YTHDF1: variants seen among roughly 807,000 people sequenced by gnomAD.
The protein encoded by YTHDF1 is YTH domain-containing family protein 1.
Under a neutral mutation model 49.1 loss-of-function variants are expected in YTHDF1, and 16 were observed. The ratio of observed to expected loss-of-function variants is 0.33; its 90% CI spans 0.22 to 0.49. The LOEUF is 0.49. Among genes scored for constraint, YTHDF1 ranks in the 20% least tolerant of loss-of-function variants. YTHDF1 has a pLI of 0.99. For missense variants in YTHDF1, 621 were observed against 744.3 expected (o/e 0.83, Z 1.93); for synonymous variants, 313 against 290.1 (o/e 1.08, Z -0.80).
rs1391901448 is a variant in YTHDF1, at chr20:63,215,993, C to T, written c.-101G>A. Reference sequence around the variant, plus strand: ...TAGCTCGCGCGGCCCCGGGCCCCGCCGCCAATTCCCCGGGCGCCGGCCGGG... The same window carrying T: ...TAGCTCGCGCGGCCCCGGGCCCCGCTGCCAATTCCCCGGGCGCCGGCCGGG... On this transcript the variant is annotated 5_prime_UTR_variant, in exon 1 of 5. Transcript: ENST00000370339. 9.2e-6 allele frequency: 10 copies of T among 1,092,226 alleles called. No homozygotes were observed. In the South Asian group the frequency reaches 4.4e-4, roughly 48 times the overall value. The allele number at this position is 1,092,226 out of a possible 1,614,324, so 67.7% of individuals were successfully genotyped here. A position where few individuals can be genotyped will look rare whatever the true frequency, so the allele number is the denominator to read the frequency against.
chr20:63,212,826 T>A (rs574919208), intron 3 of YTHDF1, among the ~76,000 whole-genome samples: 159 of 152,102 alleles, frequency 1.0e-3, no homozygotes, highest in Non-Finnish European at 1.9e-3. Context: ...GCTAATGGCA[T>A]CTAGTGGGTG....
chr20:63,201,015 AGC>A (rs1214119535), intron 4 of YTHDF1, among the ~76,000 whole-genome samples: 1 of 152,096 alleles, frequency 6.6e-6, no homozygotes, highest in Non-Finnish European at 1.5e-5. Context: ...ACTGCACTCC[AGC>A]CTGGGCAACA....
At chr20:63,215,481 G>T in intron 2 of YTHDF1, 96 bp downstream of exon 2, 1 of 1,546,512 alleles carries the variant, frequency 6.5e-7, no homozygotes, top group South Asian at 1.1e-5. Context: ...TGGCGGAAGA[G>T]AGAAAGTTTC....
chr20:63,214,936 A>T (rs2066594094), intron 2 of YTHDF1, among the ~76,000 whole-genome samples: 1 of 152,134 alleles, frequency 6.6e-6, no homozygotes. Context: ...CTTTTACACC[A>T]CTTACCTTCC....
intron 4 of YTHDF1, among the ~76,000 whole-genome samples, chr20:63,198,634 C>CA (rs11478753): frequency 0.014 from 1,995 of 144,484 alleles, 25 homozygotes; most frequent in African/African-American, 0.032. Flanking sequence ...TAAAATTTCT[C>CA]AAAAAAAAAA....
intron 4 of YTHDF1, among the ~76,000 whole-genome samples, chr20:63,197,330 T>A (rs977885949): frequency 2.0e-4 from 30 of 152,096 alleles, no homozygotes; most frequent in African/African-American, 7.0e-4. Context: ...GGGAAGAGCA[T>A]GCCCCTCCCC....
chr20:63,215,465 T>C, intron 2 of YTHDF1, 112 bp downstream of exon 2: 1 of 1,455,876 alleles, frequency 6.9e-7, no homozygotes, highest in Non-Finnish European at 9.5e-7. Context: ...TTTATCTCCC[T>C]GAAGCTGGCG....
At chr20:63,198,546 C>A (rs2066502935) in intron 4 of YTHDF1, among the ~76,000 whole-genome samples, 1 of 152,112 alleles carries the variant, frequency 6.6e-6, no homozygotes, top group Non-Finnish European at 1.5e-5. Context: ...GGTAAACTCC[C>A]CAGATCCCCA....
chr20:63,209,161 G>A (rs1280694578), intron 3 of YTHDF1, among the ~76,000 whole-genome samples: 1 of 152,254 alleles, frequency 6.6e-6, no homozygotes, highest in African/African-American at 2.4e-5. Context: ...GGAGCAGGTA[G>A]GCCTGAGTTG....
At chr20:63,208,171 AAAG>A (rs1446281073) in intron 3 of YTHDF1, among the ~76,000 whole-genome samples, 1 of 152,212 alleles carries the variant, frequency 6.6e-6, no homozygotes, top group African/African-American at 2.4e-5. Context: ...GGAATGACCA[AAAG>A]GAGAGACTAG....
At chr20:63,213,196 C>T (rs2066583891) in intron 3 of YTHDF1, among the ~76,000 whole-genome samples, 1 of 152,254 alleles carries the variant, frequency 6.6e-6, no homozygotes, top group South Asian at 2.1e-4. Flanking sequence ...CTCTGGGAGG[C>T]CGAGGCGGGT....
intron 3 of YTHDF1, among the ~76,000 whole-genome samples, chr20:63,204,898 T>C (rs2066538439): frequency 6.6e-6 from 1 of 151,958 alleles, no homozygotes; most frequent in Non-Finnish European, 1.5e-5. Flanking sequence ...GAGGTGTGTC[T>C]GTATGTGTGT....
rs2066587996 is a variant in YTHDF1 at position 63,213,891 on chromosome 20, C to G, written c.105G>C (p.Glu35Asp). ...QKDTVHDNDF[E>D]PYLTGQSNQS... ...GATTTGACTGTCCAGTAAGGTAGGG[C>G]TCAAAGTCATTGTCATGAACTGTAT... is the stretch of plus-strand genomic sequence containing the variant. Residue 35 changes from glutamate (E) to aspartate (D), a missense_variant, in exon 3 of 5, where the codon GAG becomes GAC. By Grantham distance (45) the Glu-to-Asp change is conservative. Around this residue, in one of 2 missense-constraint regions of YTHDF1, gnomAD observed 470 missense variants for 495.8 expected, o/e 0.95. Coordinates refer to ENST00000370339, the MANE Select transcript of YTHDF1 (RefSeq NM_017798.4). The G allele has an allele frequency of 6.3e-7, 1 of 1,588,936 alleles. No individual in the cohort carries two copies. Among genetic ancestry groups the G allele is most frequent in the Admixed American group, 1.9e-5 (1 of 52,108 alleles).
intron 4 of YTHDF1, 146 bp downstream of exon 4, chr20:63,202,136 TGGGCC>T: frequency 9.9e-7 from 1 of 1,005,992 alleles, no homozygotes; most frequent in Non-Finnish European, 1.5e-6. Flanking sequence ...TGCCAGGACC[TGGGCC>T]CGCCCACCTG....
Position 63,196,164 on chromosome 20 carries a change from TAA to T in YTHDF1, c.*542_*543del, listed in dbSNP as rs1239289214. 1.3e-5 allele frequency: 2 copies of T among 149,776 alleles called. No homozygotes were observed. Among genetic ancestry groups the T allele is most frequent in the South Asian group, 2.1e-4 (1 of 4,770 alleles). The allele number at this position is 149,776 out of a possible 1,614,324, so 9.3% of individuals were successfully genotyped here. On this transcript the variant is annotated 3_prime_UTR_variant, in exon 5 of 5. Transcript: ENST00000370339. ...AAAGTGTCTGCCAAATTTGAAAAAT[TAA>T]AAGTTATCTGTCTAGCAGAAAAATC...
At chr20:63,205,009 C>G (rs1387725992) in intron 3 of YTHDF1, among the ~76,000 whole-genome samples, 1 of 152,044 alleles carries the variant, frequency 6.6e-6, no homozygotes, top group Non-Finnish European at 1.5e-5. Flanking sequence ...GATGCTATTA[C>G]AGAAAACAGA....
At chr20:63,207,706 G>C (rs2066554173) in intron 3 of YTHDF1, among the ~76,000 whole-genome samples, 1 of 151,702 alleles carries the variant, frequency 6.6e-6, no homozygotes, top group Non-Finnish European at 1.5e-5. Flanking sequence ...CCTCATCGAA[G>C]AAAGGCTAAC....
chr20:63,203,422 G>A lies in YTHDF1; in HGVS notation c.518C>T (p.Thr173Ile). The change falls in exon 4 of 5, where the codon ACC becomes ATC. Residue 173 changes from threonine to isoleucine, a missense_variant. By Grantham distance (89) the Thr-to-Ile change is moderately conservative. Coordinates refer to ENST00000370339, the MANE Select transcript of YTHDF1 (RefSeq NM_017798.4). This position sits in a 1 kb window ranked among gnomAD's most constrained non-coding sequence, Gnocchi z 4.4. ...VDGQPGFHSD[T>I]LSKAPGMNSL... is the part of the protein sequence containing the mutation. ...GTTCATCCCGGGGGCCTTGCTGAGG[G>A]TGTCGCTGTGAAAGCCTGGCTGCCC... 1 of 1,612,870 alleles carries A rather than the reference G, an allele frequency of 6.2e-7. No homozygotes were observed. The highest frequency in any genetic ancestry group is 8.5e-7 in the Non-Finnish European group (1 of 1,179,650).
At chr20:63,201,790 GA>G (rs1169259548) in intron 4 of YTHDF1, among the ~76,000 whole-genome samples, 2 of 152,182 alleles carry the variant, frequency 1.3e-5, no homozygotes, top group Non-Finnish European at 2.9e-5. Flanking sequence ...AAAGACCAGA[GA>G]TTCCCAACTA....
Sources: allele counts gnomAD v4.1 joint callset (sites outside exome capture counted in the v4.1 genomes callset), GRCh38; gene constraint gnomAD v4.1.1; regional missense constraint gnomAD v4.1.1; non-coding constraint Gnocchi (gnomAD v3.1); transcripts MANE v1.5; gene names NCBI Gene and HGNC (gene_info 2026-07-23, HGNC 2026-07-21).